CYB5A: variants seen among roughly 807,000 people sequenced by gnomAD.
CYB5A encodes the protein cytochrome b5 type A, also known as cytochrome b5.
CYB5A carries 10 observed loss-of-function variants against 16.2 expected under a neutral mutation model. That is an observed-to-expected ratio of 0.62 (90% CI 0.38 to 1.04). CYB5A has a LOEUF of 1.04. CYB5A is among the 50% of genes least tolerant of loss of function. CYB5A has a pLI of 0.01. For synonymous variants in CYB5A, 62 were observed against 57.0 expected (o/e 1.09, Z -0.40); for missense variants, 161 against 165.9 (o/e 0.97, Z 0.16).
intron 1 of CYB5A, among the ~76,000 whole-genome samples, chr18:74,280,738 G>A (rs545338616): frequency 4.6e-5 from 7 of 152,126 alleles, no homozygotes; most frequent in South Asian, 2.1e-4. Context: ...TTCCTCTATC[G>A]ACTTGCTTTT....
chr18:74,266,751 A>C (rs777794313), intron 1 of CYB5A, among the ~76,000 whole-genome samples: 10 of 5,008 alleles, frequency 2.0e-3, no homozygotes, highest in Non-Finnish European at 8.7e-3. Flanking sequence ...ATTTTCTAAC[A>C]AAAAAAAAAA....
intron 1 of CYB5A, among the ~76,000 whole-genome samples, chr18:74,271,193 A>G (rs992550445): frequency 6.6e-6 from 1 of 152,264 alleles, no homozygotes; most frequent in Non-Finnish European, 1.5e-5. Flanking sequence ...TGGGACAGAA[A>G]AAAGTACATG....
In CYB5A at chr18:74,261,319, C is replaced by A. The variant is rs371490526; in HGVS notation, c.259-375G>T. 5.1e-5 allele frequency: 15 copies of A among 292,884 alleles called. 1 individual carries two copies. Among genetic ancestry groups the A allele is most frequent in the South Asian group, 4.6e-4 (13 of 28,376 alleles). The allele number at this position is 292,884 out of a possible 1,614,324, so 18.1% of individuals were successfully genotyped here. A position where few individuals can be genotyped will look rare whatever the true frequency, so the allele number is the denominator to read the frequency against. ...TTTGAGATTGTGCATGTATCTCTTACGTGTATGATATCTTCAGTTAAGCCC... is the reference window on the plus strand; with the variant it reads ...TTTGAGATTGTGCATGTATCTCTTAAGTGTATGATATCTTCAGTTAAGCCC... On this transcript the variant is annotated intron_variant, in intron 2 of 4. Coordinates refer to ENST00000340533, the MANE Select transcript of CYB5A (RefSeq NM_148923.4).
At chr18:74,255,149 A>T (rs1981923428) in intron 4 of CYB5A, among the ~76,000 whole-genome samples, 1 of 152,168 alleles carries the variant, frequency 6.6e-6, no homozygotes, top group African/African-American at 2.4e-5. Flanking sequence ...GTTAAATTTG[A>T]CAGGATGAAA....
In CYB5A at chr18:74,253,236, T is replaced by A; in HGVS notation, c.*348A>T. 3.1e-6 allele frequency: 1 copy of A among 326,010 alleles called. No homozygotes were observed. Among genetic ancestry groups the A allele is most frequent in the Non-Finnish European group, 5.9e-6 (1 of 168,248 alleles). 20.2% of individuals were successfully genotyped at this position (326,010 alleles called of 1,614,324 possible). On this transcript the variant is annotated 3_prime_UTR_variant, in exon 5 of 5. Coordinates refer to ENST00000340533, the MANE Select transcript of CYB5A (RefSeq NM_148923.4). ...TGAGTAACACATTGAAGGAATCCTC[T>A]AAATAACCAGATTCTAAACATTAAA...
At chr18:74,282,206 C>A (rs1033839525) in intron 1 of CYB5A, among the ~76,000 whole-genome samples, 1 of 152,194 alleles carries the variant, frequency 6.6e-6, no homozygotes, top group Non-Finnish European at 1.5e-5. Context: ...AATCCCAGGC[C>A]AAGGCCTACA....
intron 1 of CYB5A, among the ~76,000 whole-genome samples, chr18:74,275,424 G>A (rs112394237): frequency 0.023 from 3,515 of 152,144 alleles, 84 homozygotes; most frequent in African/African-American, 0.066. Context: ...TACCGCCTCC[G>A]AGCACCAGGA....
intron 1 of CYB5A, among the ~76,000 whole-genome samples, chr18:74,269,594 C>A (rs1408922973): frequency 2.0e-5 from 3 of 152,220 alleles, no homozygotes. Flanking sequence ...CTTTCCCCCC[C>A]AAAATACACT....
At chr18:74,287,802 T>A (rs1467855725) in intron 1 of CYB5A, among the ~76,000 whole-genome samples, 3 of 152,208 alleles carry the variant, frequency 2.0e-5, no homozygotes, top group Non-Finnish European at 4.4e-5. Flanking sequence ...AATTACAGGA[T>A]ACCTTTCTCT....
chr18:74,286,583 C>T (rs1441584435), intron 1 of CYB5A, among the ~76,000 whole-genome samples: 1 of 152,202 alleles, frequency 6.6e-6, no homozygotes, highest in Non-Finnish European at 1.5e-5. Flanking sequence ...CACTTCAGAA[C>T]AAGGAAAGTG....
At chr18:74,253,990 C>A (rs1981865851) in intron 4 of CYB5A, among the ~76,000 whole-genome samples, 1 of 152,078 alleles carries the variant, frequency 6.6e-6, no homozygotes, top group South Asian at 2.1e-4. Flanking sequence ...ACCAGCCTGG[C>A]CAACATAGTA....
chr18:74,280,000 T>C (rs1258735596), intron 1 of CYB5A, among the ~76,000 whole-genome samples: 2 of 152,194 alleles, frequency 1.3e-5, no homozygotes, highest in Non-Finnish European at 2.9e-5. Context: ...GAGTACATTA[T>C]ACCGTATGTT....
intron 1 of CYB5A, chr18:74,290,851 G>T (rs1983504419): frequency 1.3e-5 from 2 of 152,234 alleles, no homozygotes; most frequent in Non-Finnish European, 2.9e-5. Context: ...TCTTATCAAA[G>T]GAATGTCTTC....
At chr18:74,270,303 C>T (rs1016406587) in intron 1 of CYB5A, among the ~76,000 whole-genome samples, 2 of 152,098 alleles carry the variant, frequency 1.3e-5, no homozygotes, top group Non-Finnish European at 2.9e-5. Context: ...GCCTGTAATC[C>T]CAACACTTTG....
rs376395313 is a variant in CYB5A at position 74,272,846 on chromosome 18, C to T, written c.130-9369G>A. 1.6e-4 allele frequency among the ~76,000 whole-genome samples: 24 copies of T among 152,140 alleles called. No homozygotes were observed. The East Asian group carries it at 4.1e-3, about 26-fold the overall frequency. ...CTGAGGCAGGAGAATTGCTTGAACCCGGGAGGCAGAGGTTGCAGTGAGCTG... is the reference window on the plus strand; with the variant it reads ...CTGAGGCAGGAGAATTGCTTGAACCTGGGAGGCAGAGGTTGCAGTGAGCTG... On this transcript the variant is annotated intron_variant, in intron 1 of 4. Transcript: ENST00000340533.
At chr18:74,273,082 C>T (rs974413843) in intron 1 of CYB5A, among the ~76,000 whole-genome samples, 10 of 152,270 alleles carry the variant, frequency 6.6e-5, no homozygotes, top group South Asian at 2.1e-4. Flanking sequence ...TCAAGGTCAA[C>T]GGTCCACCAA....
chr18:74,285,998 G>A (rs1443053389), intron 1 of CYB5A, among the ~76,000 whole-genome samples: 2 of 152,174 alleles, frequency 1.3e-5, no homozygotes, highest in African/African-American at 4.8e-5. Context: ...ATACAATAAG[G>A]AGGCAGCCTG....
At chr18:74,286,039 T>TC (rs1196004923) in intron 1 of CYB5A, among the ~76,000 whole-genome samples, 1 of 152,088 alleles carries the variant, frequency 6.6e-6, no homozygotes, top group African/African-American at 2.4e-5. Context: ...TCAGGACTGG[T>TC]CCCTCAACAC....
At chr18:74,291,700 A>G in intron 1 of CYB5A, 47 bp downstream of exon 1, 1 of 1,612,292 alleles carries the variant, frequency 6.2e-7, no homozygotes, top group Non-Finnish European at 8.5e-7. Flanking sequence ...GAACCCCCAA[A>G]CCCGGCCCAC....
Sources: allele counts gnomAD v4.1 joint callset (sites outside exome capture counted in the v4.1 genomes callset), GRCh38; gene constraint gnomAD v4.1.1; transcripts MANE v1.5; gene names NCBI Gene and HGNC (gene_info 2026-07-23, HGNC 2026-07-21).